The following URGCP variants were observed in gnomAD, a reference collection of about 807,000 sequenced individuals.
URGCP encodes the protein up-regulator of cell proliferation.
Under a neutral mutation model 24.6 loss-of-function variants are expected in URGCP, and 13 were observed. The ratio of observed to expected loss-of-function variants is 0.53; its 90% CI spans 0.34 to 0.84. The LOEUF is 0.84. Ranked by LOEUF, URGCP falls within the 40% of genes least tolerant of loss-of-function variation. URGCP has a pLI of 0.01. For synonymous variants in URGCP, 444 were observed against 487.2 expected, an observed-to-expected ratio of 0.91 and a Z score of 1.17; for missense variants, 899 against 1,194.3, an observed-to-expected ratio of 0.75 and a Z score of 3.64.
intron 1 of URGCP, among the ~76,000 whole-genome samples, chr7:43,920,611 T>G (rs1473900819): frequency 6.6e-6 from 1 of 152,212 alleles, no homozygotes; most frequent in African/African-American, 2.4e-5. Flanking sequence ...TGTTTTTCTC[T>G]TTTTGGATCT....
chr7:43,890,802 G>C (rs2095869565), intron 1 of URGCP, among the ~76,000 whole-genome samples: 1 of 152,208 alleles, frequency 6.6e-6, no homozygotes, highest in Non-Finnish European at 1.5e-5. Flanking sequence ...AAAGAATCAA[G>C]CCCCTGACCA....
chr7:43,882,764 C>G (rs1453892721), intron 3 of URGCP, among the ~76,000 whole-genome samples: 1 of 152,196 alleles, frequency 6.6e-6, no homozygotes. Context: ...ACACAAGACA[C>G]AGATTTGCTC....
rs2095849548 is a variant in URGCP, at chr7:43,878,790, G to A, written c.673C>T (p.His225Tyr). ...LVLPDSENHY[H>Y]TFLLWAMRGI... Reference sequence around the variant, plus strand: ...CGCATGGCCCACAGCAGAAATGTATGGTAGTGGTTCTCCGAGTCAGGCAAC... The same window carrying A: ...CGCATGGCCCACAGCAGAAATGTATAGTAGTGGTTCTCCGAGTCAGGCAAC... Residue 225 changes from histidine to tyrosine, a missense_variant, in exon 6 of 6, where the codon CAT becomes TAT. Physicochemically the swap from His to Tyr is moderately conservative, Grantham distance 83 (BLOSUM62 2). Coordinates refer to ENST00000453200, the MANE Select transcript of URGCP (RefSeq NM_001077663.3). The surrounding 1 kb of genome is among the most constrained non-coding windows in gnomAD (Gnocchi z 5.6). 6 of 1,614,024 alleles carry A rather than the reference G, an allele frequency of 3.7e-6. No homozygotes were observed. The highest frequency in any genetic ancestry group is 3.4e-6 in the Non-Finnish European group (4 of 1,179,936).
Position 43,892,219 on chromosome 7 carries a change from AT to A in URGCP, c.15-4404del, listed in dbSNP as rs34553486. On this transcript the variant is annotated intron_variant, in intron 1 of 5. Transcript: ENST00000453200. The stretch of plus-strand genomic sequence containing the variant: ...AGGTGTGAGCCACTGCGCCCAGCCA[AT>A]TTTTTTTTTTTTTTTTTTTTTGAGA... Among the ~76,000 whole-genome samples the A allele has an allele frequency of 8.3e-3, 1,035 of 125,358 alleles. 4 individuals carry two copies. The highest frequency in any genetic ancestry group is 0.026 in the African/African-American group (858 of 32,406). 82.2% of individuals were successfully genotyped at this position (125,358 alleles called of 152,430 possible).
At chr7:43,920,191 G>C in intron 1 of URGCP, 1 of 559,338 alleles carries the variant, frequency 1.8e-6, no homozygotes, top group Non-Finnish European at 3.2e-6. Context: ...CTGTTAGTCT[G>C]CGAACACATT....
At chr7:43,889,709 G>A (rs1213834513) in intron 1 of URGCP, 1 of 152,190 alleles carries the variant, frequency 6.6e-6, no homozygotes, top group Non-Finnish European at 1.5e-5. Context: ...ACAGATAGAA[G>A]AGTAGTGCTT....
At position 43,895,896 on chromosome 7, in the gene URGCP, A is replaced by T. The variant is rs368514838; in HGVS notation, c.15-8080T>A. Among the ~76,000 whole-genome samples the T allele has an allele frequency of 5.9e-5, 9 of 152,354 alleles. No individual in the cohort carries two copies. The South Asian group carries it at 1.9e-3, about 32-fold the overall frequency. On this transcript the variant is annotated intron_variant, in intron 1 of 5. Coordinates refer to ENST00000453200, the MANE Select transcript of URGCP (RefSeq NM_001077663.3). ...AGGAATATGTGCACCCATGTTTAAT[A>T]TAGCACTATTCACAATAGCCAAGAT...
intron 1 of URGCP, among the ~76,000 whole-genome samples, chr7:43,902,057 A>G (rs1010029581): frequency 1.3e-5 from 2 of 150,622 alleles, no homozygotes; most frequent in Non-Finnish European, 3.0e-5. Context: ...AGGAGAGAGG[A>G]GCAGGCGAGA....
rs1328325963 is a variant in URGCP, at chr7:43,878,093, T to G, written c.1370A>C (p.Lys457Thr). 2 of 1,614,240 alleles carry G rather than the reference T, an allele frequency of 1.2e-6. No individual in the cohort carries two copies. The highest frequency in any genetic ancestry group is 1.7e-5 in the Admixed American group (1 of 60,028). The change falls in exon 6 of 6, where the codon AAA (lysine) becomes ACA (threonine). Residue 457 changes from lysine (K) to threonine (T), a missense_variant. Coordinates refer to ENST00000453200, the MANE Select transcript of URGCP (RefSeq NM_001077663.3). This position sits in a 1 kb window ranked among gnomAD's most constrained non-coding sequence, Gnocchi z 5.6. ...GTCCTCGTCGACCTTTAGGCCCAGT[T>G]TGCGGGCTGCGTGCGCCATGTCCTC... is the stretch of plus-strand genomic sequence containing the variant. The part of the protein sequence containing the change: ...SVEDMAHAAR[K>T]LGLKVDEDCE...
At chr7:43,922,400 A>G (rs1398803173) in intron 1 of URGCP, among the ~76,000 whole-genome samples, 6 of 152,196 alleles carry the variant, frequency 3.9e-5, no homozygotes, top group African/African-American at 1.4e-4. Context: ...CTCTTTTCCA[A>G]AAATGACTGC....
chr7:43,919,435 C>A lies in URGCP; in HGVS notation c.-116+6697G>T, dbSNP rs1403257883. 8.7e-6 allele frequency: 8 copies of A among 920,114 alleles called. No individual in the cohort carries two copies. In the African/African-American group the frequency reaches 1.3e-4, roughly 15 times the overall value. 57.0% of individuals were successfully genotyped at this position (920,114 alleles called of 1,614,324 possible). ...GCCAGCACCATCACCCTGCGCTACC[C>A]CAGCTACATGGACAATGACCTCATA... On this transcript the variant is annotated intron_variant, in intron 1 of 5. Transcript: ENST00000426198.
intron 1 of URGCP, among the ~76,000 whole-genome samples, chr7:43,921,550 T>G (rs758658758): frequency 6.6e-6 from 1 of 152,242 alleles, no homozygotes; most frequent in Non-Finnish European, 1.5e-5. Flanking sequence ...GCTAAATGTT[T>G]TACAGTTATA....
upstream of URGCP, chr7:43,926,512 G>T: frequency 5.3e-6 from 8 of 1,523,560 alleles, no homozygotes; most frequent in Non-Finnish European, 7.0e-6. Flanking sequence ...GGGCCGCCCG[G>T]GTCCCCGGCA....
chr7:43,914,854 C>T (rs1272025468), intron 1 of URGCP, among the ~76,000 whole-genome samples: 6 of 152,018 alleles, frequency 3.9e-5, no homozygotes, highest in African/African-American at 4.8e-5. Context: ...AGATAGGAGA[C>T]AGCCATATGC....
chr7:43,897,133 G>A (rs540479281), intron 1 of URGCP, among the ~76,000 whole-genome samples: 2 of 152,206 alleles, frequency 1.3e-5, no homozygotes, highest in Admixed American at 1.3e-4. Context: ...AGCACAGGAG[G>A]TTGAGGCTGC....
At chr7:43,887,269 T>C (rs1413857703) in intron 3 of URGCP, 146 bp downstream of exon 3, 6 of 927,852 alleles carry the variant, frequency 6.5e-6, no homozygotes, top group Non-Finnish European at 7.6e-6. Flanking sequence ...AATCTTCTTG[T>C]AAAAGGAAAA....
At chr7:43,879,358 T>G (rs2095850585) in intron 5 of URGCP, 98 bp from the exon 6 acceptor site, 1 of 1,393,216 alleles carries the variant, frequency 7.2e-7, no homozygotes, top group Admixed American at 2.3e-5. Context: ...ATGGGGAGAG[T>G]GACGACCCCC....
At chr7:43,920,032 C>G in intron 1 of URGCP, 1 of 1,320,902 alleles carries the variant, frequency 7.6e-7, no homozygotes, top group Non-Finnish European at 1.1e-6. Context: ...GGCCAGACTA[C>G]ATCTCCTGGG....
intron 4 of URGCP, 90 bp from the exon 5 acceptor site, chr7:43,881,787 C>A: frequency 1.2e-6 from 2 of 1,609,404 alleles, no homozygotes; most frequent in South Asian, 2.2e-5. Context: ...TAGAACCCTT[C>A]TTTCTCACCA....
Sources: allele counts gnomAD v4.1 joint callset (sites outside exome capture counted in the v4.1 genomes callset), GRCh38; gene constraint gnomAD v4.1.1; non-coding constraint Gnocchi (gnomAD v3.1); transcripts MANE v1.5; gene names NCBI Gene and HGNC (gene_info 2026-07-23, HGNC 2026-07-21).